INSYN2B: variants seen among roughly 807,000 people sequenced by gnomAD.
INSYN2B encodes protein INSYN2B.
A neutral mutation model predicts 41.2 loss-of-function variants in INSYN2B; 16 were observed. That is an observed-to-expected ratio of 0.39 (90% confidence interval 0.26 to 0.59). INSYN2B has a LOEUF of 0.59. INSYN2B is among the 20% of genes least tolerant of loss of function. The pLI, the probability that INSYN2B is intolerant of heterozygous loss-of-function variation, is 0.57. For synonymous variants in INSYN2B, 245 were observed against 244.4 expected (o/e 1.00, Z -0.02); for missense variants, 608 against 646.4 (o/e 0.94, Z 0.64).
At chr5:169,977,185 A>G (rs185922799) in intron 1 of INSYN2B, among the ~76,000 whole-genome samples, 2 of 152,228 alleles carry the variant, frequency 1.3e-5, no homozygotes, top group Non-Finnish European at 2.9e-5. Context: ...CTGTCCCAGC[A>G]TGCTCTGTTC....
intron 1 of INSYN2B, among the ~76,000 whole-genome samples, chr5:169,915,083 C>T (rs564317460): frequency 1.3e-5 from 2 of 152,334 alleles, no homozygotes. Flanking sequence ...AGAATCAATT[C>T]TAGGCCTTGA....
At chr5:169,887,223 C>T (rs1773022447) in intron 1 of INSYN2B, among the ~76,000 whole-genome samples, 1 of 152,178 alleles carries the variant, frequency 6.6e-6, no homozygotes, top group South Asian at 2.1e-4. Context: ...AGTCATTATT[C>T]TGGTGTTAGC....
chr5:169,967,397 G>GT (rs1777342043), intron 1 of INSYN2B, among the ~76,000 whole-genome samples: 1 of 152,242 alleles, frequency 6.6e-6, no homozygotes, highest in Non-Finnish European at 1.5e-5. Flanking sequence ...GCAACAGCAT[G>GT]TGGTCAGGCT....
rs116127168 is a variant in INSYN2B, at chr5:169,949,318, G to C, written c.-919+30959C>G. Among the ~76,000 whole-genome samples the C allele has an allele frequency of 8.6e-3, 1,307 of 152,252 alleles. 9 individuals carry two copies. The highest frequency in any genetic ancestry group is 0.014 in the Non-Finnish European group (931 of 68,018). On this transcript the variant is annotated intron_variant, in intron 1 of 3. Coordinates refer to ENST00000377365, the MANE Select transcript of INSYN2B (RefSeq NM_001129891.3). ...GAGGGAGATCATAATAATGTGGACA[G>C]AACTGTAAATAGAGGCACCTGGGAA...
chr5:169,955,989 C>T (rs573852478), intron 1 of INSYN2B, among the ~76,000 whole-genome samples: 2 of 151,350 alleles, frequency 1.3e-5, no homozygotes, highest in African/African-American at 2.4e-5. Flanking sequence ...CAGGGTGTGG[C>T]TCTGGAGCTC....
intron 1 of INSYN2B, among the ~76,000 whole-genome samples, chr5:169,950,417 CT>C (rs1190232513): frequency 6.6e-6 from 1 of 152,202 alleles, no homozygotes; most frequent in Non-Finnish European, 1.5e-5. Context: ...TCTTTTTGGA[CT>C]TTCAAACAAC....
chr5:169,902,122 C>T (rs1773962211), intron 1 of INSYN2B, among the ~76,000 whole-genome samples: 1 of 152,136 alleles, frequency 6.6e-6, no homozygotes, highest in Non-Finnish European at 1.5e-5. Context: ...AGGGTTAATG[C>T]CATCTATCAG....
chr5:169,909,210 T>A (rs1481416598), intron 1 of INSYN2B, among the ~76,000 whole-genome samples: 2 of 152,226 alleles, frequency 1.3e-5, no homozygotes, highest in East Asian at 3.8e-4. Context: ...TTGTACCACA[T>A]GAAGCTATCT....
At chr5:169,867,935 C>G (rs1771695685) in intron 3 of INSYN2B, among the ~76,000 whole-genome samples, 1 of 152,164 alleles carries the variant, frequency 6.6e-6, no homozygotes, top group Non-Finnish European at 1.5e-5. Context: ...TCTCGCCCCT[C>G]TAGCACCAGG....
At chr5:169,886,976 G>A (rs112724662) in intron 1 of INSYN2B, among the ~76,000 whole-genome samples, 8 of 152,226 alleles carry the variant, frequency 5.3e-5, no homozygotes, top group African/African-American at 1.2e-4. Context: ...AGGCAGGTGC[G>A]ATCAGTTCCC....
chr5:169,899,664 C>T (rs1486004408), intron 1 of INSYN2B, among the ~76,000 whole-genome samples: 1 of 152,186 alleles, frequency 6.6e-6, no homozygotes, highest in African/African-American at 2.4e-5. Context: ...ATAGACCTCT[C>T]TACATACCAC....
Position 169,944,009 on chromosome 5 carries a change from A to G in INSYN2B, c.-919+36268T>C, listed in dbSNP as rs545913171. Among the ~76,000 whole-genome samples, 3 of 152,352 alleles carry G rather than the reference A, an allele frequency of 2.0e-5. No individual in the cohort carries two copies. The South Asian group carries it at 6.2e-4, about 32-fold the overall frequency. On this transcript the variant is annotated intron_variant, in intron 1 of 3. Coordinates refer to ENST00000377365, the MANE Select transcript of INSYN2B (RefSeq NM_001129891.3). ...GCTAATAGCATGGTGTGACTCTATAATTCTCCAGGTCTGTGGACTAAGAAT... is the reference window on the plus strand; with the variant it reads ...GCTAATAGCATGGTGTGACTCTATAGTTCTCCAGGTCTGTGGACTAAGAAT...
chr5:169,864,371 G>A lies in INSYN2B; in HGVS notation c.1510C>T (p.Pro504Ser). The change falls in exon 4 of 4, where the codon CCC (proline) becomes TCC (serine). Residue 504 changes from proline to serine, a missense_variant. Coordinates refer to ENST00000377365, the MANE Select transcript of INSYN2B (RefSeq NM_001129891.3). ...GGTTCTGCTGGGGACTTTGGTGGGG[G>A]CGATGCCTCCTCAACTGGCTCTGCT... is the stretch of plus-strand genomic sequence containing the variant. Reference protein sequence around the residue: ...EEAEPVEEASPPPKSPAEPPA... With the variant: ...EEAEPVEEASSPPKSPAEPPA... 1.2e-5 allele frequency: 19 copies of A among 1,551,402 alleles called. No individual in the cohort carries two copies. Among genetic ancestry groups the A allele is most frequent in the Non-Finnish European group, 1.7e-5 (19 of 1,146,804 alleles).
At chr5:169,881,237 T>C (rs564471847) in intron 3 of INSYN2B, 131 bp downstream of exon 3, 4 of 714,048 alleles carry the variant, frequency 5.6e-6, no homozygotes, top group Middle Eastern at 2.4e-4. Context: ...TGGAACCAGA[T>C]GTTAACATTT....
chr5:169,974,843 C>T lies in INSYN2B; in HGVS notation c.-919+5434G>A, dbSNP rs553873965. Among the ~76,000 whole-genome samples the T allele has an allele frequency of 8.0e-5, 12 of 150,488 alleles. No individual in the cohort carries two copies. In the South Asian group the frequency reaches 1.9e-3, roughly 24 times the overall value. ...ATCATATTTGTGACCCCCCTCCCCC[C>T]GACACACACACATGTTTCCATGGAG... is the stretch of plus-strand genomic sequence containing the variant. On this transcript the variant is annotated intron_variant, in intron 1 of 3. Transcript: ENST00000377365.
chr5:169,871,011 AG>A (rs1242521141), intron 3 of INSYN2B, among the ~76,000 whole-genome samples: 2 of 152,214 alleles, frequency 1.3e-5, no homozygotes, highest in African/African-American at 4.8e-5. Context: ...GTCTACAGAC[AG>A]CTGTATTCCC....
At chr5:169,962,378 G>A (rs984076650) in intron 1 of INSYN2B, among the ~76,000 whole-genome samples, 3 of 152,168 alleles carry the variant, frequency 2.0e-5, no homozygotes, top group Non-Finnish European at 4.4e-5. Flanking sequence ...GATGTCAAAG[G>A]TTTCCATAGA....
At chr5:169,972,722 T>C (rs1183791260) in intron 1 of INSYN2B, among the ~76,000 whole-genome samples, 1 of 152,222 alleles carries the variant, frequency 6.6e-6, no homozygotes, top group Non-Finnish European at 1.5e-5. Context: ...CAATAAGTGC[T>C]AAATAAATAT....
At position 169,882,868 on chromosome 5, in the gene INSYN2B, G is replaced by A. The variant is rs1269779426; in HGVS notation, c.1031C>T (p.Thr344Ile). The change falls in exon 2 of 4, where the codon ACT becomes ATT. Residue 344 changes from threonine (T) to isoleucine (I), a missense_variant. By Grantham distance (89) the Thr-to-Ile change is moderately conservative (BLOSUM62 -1). Transcript: ENST00000377365. ...AGGGGCAGATTTCGATGCACTGTTA[G>A]TTTTGAGTGACACCAGATTCTGGTG... ...NNHQNLVSLKTNSASKSAPGC... is the reference protein window; with the variant it reads ...NNHQNLVSLKINSASKSAPGC... 6.4e-6 allele frequency: 10 copies of A among 1,551,522 alleles called. No individual in the cohort carries two copies. Among genetic ancestry groups the A allele is most frequent in the Admixed American group, 2.0e-5 (1 of 50,990 alleles).
Sources: gnomAD v4.1 joint callset for allele counts (sites outside exome capture counted in the v4.1 genomes callset) on GRCh38, gnomAD v4.1.1 for gene constraint, MANE v1.5 for transcripts, NCBI Gene and HGNC (gene_info 2026-07-23, HGNC 2026-07-21) for gene names.